Variants in RGS5 observed in about 807,000 individuals in gnomAD.
RGS5 encodes regulator of G-protein signalling 5.
In RGS5, 20 loss-of-function variants were observed where a neutral mutation model predicts 18.9. The observed-to-expected ratio is 1.06, with a 90% confidence interval of 0.74 to 1.54. RGS5 has a LOEUF of 1.54. Ranked by LOEUF, RGS5 falls within the 40% of genes most tolerant of loss-of-function variation. The probability of loss-of-function intolerance (pLI) is 0.00; values close to 1 mark genes in which losing one functional copy is unlikely to be tolerated. For missense variants in RGS5, 201 were observed against 211.8 expected, an observed-to-expected ratio of 0.95 and a Z score of 0.32; for synonymous variants, 57 against 76.2, an observed-to-expected ratio of 0.75 and a Z score of 1.31.
intron 2 of RGS5, among the ~76,000 whole-genome samples, chr1:163,286,324 C>G (rs73035717): frequency 6.6e-6 from 1 of 151,754 alleles, no homozygotes; most frequent in Admixed American, 6.6e-5. Context: ...TTAGTATCCT[C>G]GGGGAGTAGG....
At chr1:163,280,626 TA>T (rs35043833) in intron 2 of RGS5, among the ~76,000 whole-genome samples, 22,237 of 151,374 alleles carry the variant, frequency 0.15, 1,956 homozygotes, top group Non-Finnish European at 0.19. Context: ...ACAAAAAAAG[TA>T]AAAAAAACTT....
intron 1 of RGS5, among the ~76,000 whole-genome samples, chr1:163,183,793 T>G (rs79604839): frequency 6.6e-6 from 1 of 152,156 alleles, no homozygotes; most frequent in East Asian, 1.9e-4. Context: ...GCTGGGACCT[T>G]GCATGCCAGA....
intron 2 of RGS5, among the ~76,000 whole-genome samples, chr1:163,261,100 T>TA (rs11399933): frequency 0.28 from 43,277 of 152,090 alleles, 6,336 homozygotes; most frequent in Non-Finnish European, 0.32. Flanking sequence ...TATTTTGACT[T>TA]AAACTGGATT....
chr1:163,309,488 C>G (rs2101648265), intron 1 of RGS5, among the ~76,000 whole-genome samples: 1 of 109,878 alleles, frequency 9.1e-6, no homozygotes, highest in South Asian at 3.2e-4. Context: ...TAGATTCCAT[C>G]TAAGGAAACC....
intron 2 of RGS5, among the ~76,000 whole-genome samples, chr1:163,273,233 A>C (rs1057060663): frequency 6.6e-6 from 1 of 152,126 alleles, no homozygotes; most frequent in Non-Finnish European, 1.5e-5. Flanking sequence ...AGCGTTCTAT[A>C]AATGTCAGTT....
intron 1 of RGS5, among the ~76,000 whole-genome samples, chr1:163,187,326 C>G (rs1482847465): frequency 6.6e-6 from 1 of 152,144 alleles, no homozygotes; most frequent in African/African-American, 2.4e-5. Flanking sequence ...GGCTATGGCC[C>G]CCTAGTCACA....
chr1:163,197,199 T>A (rs774039633), intron 1 of RGS5, among the ~76,000 whole-genome samples: 1 of 152,052 alleles, frequency 6.6e-6, no homozygotes, highest in Non-Finnish European at 1.5e-5. Flanking sequence ...TAATACAGGT[T>A]GTACATAGAT....
At chr1:163,256,159 G>A (rs1260459416) in intron 2 of RGS5, among the ~76,000 whole-genome samples, 2 of 152,104 alleles carry the variant, frequency 1.3e-5, no homozygotes, top group Non-Finnish European at 2.9e-5. Flanking sequence ...TAGGAAAAGA[G>A]GAAGTCAAAT....
chr1:163,284,973 G>C (rs998165114), intron 2 of RGS5, among the ~76,000 whole-genome samples: 1 of 152,074 alleles, frequency 6.6e-6, no homozygotes, highest in East Asian at 1.9e-4. Flanking sequence ...GCCTGGGGAG[G>C]CCTCACAATC....
chr1:163,212,630 G>A (rs1004471564), intron 1 of RGS5: 1 of 152,242 alleles, frequency 6.6e-6, no homozygotes, highest in Non-Finnish European at 1.5e-5. Context: ...CTCCAGTGAA[G>A]CCTGAGGAGC....
intron 1 of RGS5, among the ~76,000 whole-genome samples, chr1:163,176,386 G>A (rs1320674817): frequency 3.3e-5 from 5 of 152,260 alleles, no homozygotes; most frequent in Admixed American, 3.3e-4. Context: ...CTTTGGGAGG[G>A]CAAGGCGGGC....
At position 163,236,886 on chromosome 1, in the gene RGS5, G is replaced by A. The variant is rs1042177801; in HGVS notation, c.-280-68518C>T. ...TGAGGCAGGGGAATCACTTGAACCC[G>A]GGAGGTGGAGGTGGCAGTGAGCTGA... On this transcript the variant is annotated intron_variant, in intron 2 of 5. Coordinates refer to the RGS5 transcript ENST00000618415. Among the ~76,000 whole-genome samples the A allele has an allele frequency of 3.9e-5, 6 of 151,918 alleles. No individual in the cohort carries two copies. In the South Asian group the frequency reaches 6.3e-4, roughly 16 times the overall value.
intron 2 of RGS5, 53 bp downstream of exon 2, chr1:163,168,205 G>T: frequency 7.4e-7 from 1 of 1,342,970 alleles, no homozygotes; most frequent in Non-Finnish European, 1.1e-6. Context: ...CTAAACACTT[G>T]GAAAATAGCC....
intron 2 of RGS5, among the ~76,000 whole-genome samples, chr1:163,288,247 C>T (rs926568970): frequency 6.6e-6 from 1 of 151,268 alleles, no homozygotes; most frequent in Admixed American, 6.6e-5. Flanking sequence ...TGTATTTAAA[C>T]AAAAAGATAT....
At chr1:163,152,887 G>C (rs1657430829) in intron 3 of RGS5, among the ~76,000 whole-genome samples, 171 bp from the exon 4 acceptor site, 1 of 152,208 alleles carries the variant, frequency 6.6e-6, no homozygotes, top group Non-Finnish European at 1.5e-5. Flanking sequence ...GAATGAGACA[G>C]AGATGGAAGA....
At chr1:163,272,217 T>C (rs1347256360) in intron 2 of RGS5, among the ~76,000 whole-genome samples, 1 of 152,040 alleles carries the variant, frequency 6.6e-6, no homozygotes, top group Admixed American at 6.6e-5. Context: ...TATATCTTTT[T>C]TGGTAAAATG....
At chr1:163,165,620 A>G (rs901273123) in intron 2 of RGS5, among the ~76,000 whole-genome samples, 4 of 152,130 alleles carry the variant, frequency 2.6e-5, no homozygotes, top group African/African-American at 9.7e-5. Context: ...GAGTAGGTCA[A>G]CTGGGCTGGG....
chr1:163,228,497 C>T (rs1647391756), intron 2 of RGS5, among the ~76,000 whole-genome samples: 1 of 152,198 alleles, frequency 6.6e-6, no homozygotes, highest in Admixed American at 6.5e-5. Flanking sequence ...GGACCCGGCC[C>T]AGGACACCAT....
chr1:163,186,913 A>G (rs1659114461), intron 1 of RGS5, among the ~76,000 whole-genome samples: 1 of 152,178 alleles, frequency 6.6e-6, no homozygotes, highest in African/African-American at 2.4e-5. Context: ...ATTGAATTCA[A>G]TAGACTTTTA....
Sources: allele counts gnomAD v4.1 joint callset (sites outside exome capture counted in the v4.1 genomes callset), GRCh38; gene constraint gnomAD v4.1.1; transcripts MANE v1.5; gene names NCBI Gene and HGNC (gene_info 2026-07-23, HGNC 2026-07-21).